GTF3C1: variants seen among roughly 807,000 people sequenced by gnomAD.
GTF3C1 encodes the protein general transcription factor IIIC subunit 1, also known as general transcription factor 3C polypeptide 1.
Under a neutral mutation model 226.7 loss-of-function variants are expected in GTF3C1, and 57 were observed. The observed-to-expected ratio is 0.25, with a 90% CI of 0.20 to 0.31. The LOEUF is 0.31. Ranked by LOEUF, GTF3C1 falls within the 10% of genes least tolerant of loss-of-function variation. The pLI is 1.00. For synonymous variants in GTF3C1, 1,090 were observed against 1,084.8 expected, an observed-to-expected ratio of 1.00 and a Z score of -0.09; for missense variants, 2,217 against 2,776.1, an observed-to-expected ratio of 0.80 and a Z score of 4.53.
At position 27,534,294 on chromosome 16, in the gene GTF3C1, C is replaced by T. The variant is rs571288836; in HGVS notation, c.753-907G>A. 3.3e-5 allele frequency among the ~76,000 whole-genome samples: 5 copies of T among 152,302 alleles called. No homozygotes were observed. The East Asian group carries it at 9.6e-4, about 29-fold the overall frequency. ...GGAAGCTATTTAAAAACATTGAGGG[C>T]CCTTGACTGTGTAAGTCTAGTGGGA... On this transcript the variant is annotated intron_variant, in intron 4 of 36. Transcript: ENST00000356183.
rs776015153 is a variant in GTF3C1, at chr16:27,464,523, T to A, written c.5669A>T (p.Asp1890Val). 4.0e-5 allele frequency: 60 copies of A among 1,517,738 alleles called. No homozygotes were observed. Among genetic ancestry groups the A allele is most frequent in the Admixed American group, 6.7e-5 (3 of 44,880 alleles). 94.0% of individuals were successfully genotyped at this position (1,517,738 alleles called of 1,614,324 possible). The change falls in exon 34 of 37, where the codon GAC becomes GTC. Residue 1890 changes from aspartate to valine, a missense_variant. By Grantham distance (152) the Asp-to-Val change is radical. Transcript: ENST00000356183. ...MTPAKRPALQ[D>V]SNLAPSLGPG... ...CCCAAGGCTGGGGGCCAAATTTGAG[T>A]CCTGGAGCGCTGGCCTCTTGGCAGG... is the stretch of plus-strand genomic sequence containing the variant.
At chr16:27,472,137 C>G (rs893251272) in intron 29 of GTF3C1, among the ~76,000 whole-genome samples, 1 of 152,036 alleles carries the variant, frequency 6.6e-6, no homozygotes, top group African/African-American at 2.4e-5. Flanking sequence ...ATTCTCGGAC[C>G]ACCACGTCAC....
In GTF3C1 at chr16:27,497,789, C is replaced by T; in HGVS notation, c.2198G>A (p.Gly733Glu). Reference protein sequence around the residue: ...VKTSQPPVPQGEAEEDSQGKE... With the variant: ...VKTSQPPVPQEEAEEDSQGKE... ...TCCTTGACTGTCTTCTTCTGCCTCC[C>T]CTTGGGGCACTGGAGGCTGGGAAGT... The change falls in exon 14 of 37, where the codon GGG becomes GAG. Residue 733 changes from glycine to glutamate, a missense_variant. Around this residue, in one of 12 missense-constraint regions of GTF3C1, gnomAD observed 100 missense variants for 139.9 expected, o/e 0.71. Coordinates refer to ENST00000356183, the MANE Select transcript of GTF3C1 (RefSeq NM_001520.4). The T allele has an allele frequency of 6.2e-7, 1 of 1,613,768 alleles. No homozygotes were observed. The highest frequency in any genetic ancestry group is 8.5e-7 in the Non-Finnish European group (1 of 1,179,814).
At chr16:27,494,695 G>A in intron 16 of GTF3C1, 68 bp downstream of exon 16, 1 of 1,179,754 alleles carries the variant, frequency 8.5e-7, no homozygotes, top group Non-Finnish European at 1.3e-6. Context: ...CCTTGCCCAG[G>A]TGAGTGTAGG....
In GTF3C1 at chr16:27,488,428, A is replaced by C; in HGVS notation, c.3512-13T>G. The C allele has an allele frequency of 6.3e-7, 1 of 1,597,310 alleles. No individual in the cohort carries two copies. Among genetic ancestry groups the C allele is most frequent in the Non-Finnish European group, 8.6e-7 (1 of 1,165,044 alleles). On this transcript the variant is annotated splice_polypyrimidine_tract_variant and intron_variant, in intron 22 of 36. Transcript: ENST00000356183. ...AACCTGCTGTTGCCTAGACATAATC[A>C]CAGGAGACAACAGTTTCAGGACGAG...
At chr16:27,482,366 T>G in intron 26 of GTF3C1, 2 of 416,358 alleles carry the variant, frequency 4.8e-6, no homozygotes, top group Non-Finnish European at 9.7e-6. Flanking sequence ...CTGTATACTC[T>G]CATTAGGTTA....
intron 14 of GTF3C1, among the ~76,000 whole-genome samples, chr16:27,497,390 G>C (rs569912595): frequency 2.0e-5 from 3 of 152,340 alleles, no homozygotes; most frequent in Admixed American, 1.3e-4. Flanking sequence ...GATCTAGCAG[G>C]ATTTCATCTG....
Position 27,502,950 on chromosome 16 carries a change from C to T in GTF3C1, c.1816G>A (p.Asp606Asn). ...AGTCGGTAAGTTTCGTGTGGTTTGT[C>T]TTGGCCTGAGCTGTGCCTCCCAGTC... ...LKTGRHSSGQDKPHETYRLLK... is the reference protein window; with the variant it reads ...LKTGRHSSGQNKPHETYRLLK... Residue 606 changes from aspartate (D) to asparagine (N), a missense_variant, in exon 11 of 37, where the codon GAC becomes AAC. Coordinates refer to ENST00000356183, the MANE Select transcript of GTF3C1 (RefSeq NM_001520.4). The T allele has an allele frequency of 6.2e-7, 1 of 1,613,302 alleles. No individual in the cohort carries two copies. The highest frequency in any genetic ancestry group is 8.5e-7 in the Non-Finnish European group (1 of 1,179,324).
chr16:27,516,713 C>T (rs1330515996), intron 6 of GTF3C1, among the ~76,000 whole-genome samples: 2 of 152,224 alleles, frequency 1.3e-5, no homozygotes, highest in African/African-American at 4.8e-5. Context: ...ACAATCACTG[C>T]AGCCTCGAAC....
intron 19 of GTF3C1, among the ~76,000 whole-genome samples, chr16:27,490,315 T>G (rs1410298046): frequency 2.0e-5 from 3 of 152,256 alleles, no homozygotes; most frequent in Non-Finnish European, 4.4e-5. Context: ...AAAATTGCAT[T>G]TCTTGCAAAG....
In GTF3C1 at chr16:27,528,585, G is replaced by A. The variant is rs1304575402; in HGVS notation, c.973+13C>T. 1 of 1,606,732 alleles carries A rather than the reference G, an allele frequency of 6.2e-7. No homozygotes were observed. Among genetic ancestry groups the A allele is most frequent in the South Asian group, 1.1e-5 (1 of 90,826 alleles). ...AGCCAGCCAAGGGAACAGAAGCTGAGACTCTGCATTACCTTTCTTTGTCTT... is the reference window on the plus strand; with the variant it reads ...AGCCAGCCAAGGGAACAGAAGCTGAAACTCTGCATTACCTTTCTTTGTCTT... On this transcript the variant is annotated intron_variant, in intron 6 of 36. Transcript: ENST00000356183.
In GTF3C1 at chr16:27,461,518, C is replaced by A; in HGVS notation, c.6162G>T (p.Lys2054Asn). The change falls in exon 37 of 37, where the codon AAG (lysine) becomes AAT (asparagine). Residue 2054 changes from lysine (K) to asparagine (N), a missense_variant. By Grantham distance (94) the Lys-to-Asn change is moderately conservative. Transcript: ENST00000356183. This position sits in a 1 kb window ranked among gnomAD's most constrained non-coding sequence, Gnocchi z 5.3. ...TAGAGAAGAGCGAGACAGGCCTTGG[C>A]TTTCTCAGCCAGCGCTTCCGGATGC... ...LGCIRKRWLR[K>N]PRPVSLFSTP... is the part of the protein sequence containing the mutation. 1 of 1,613,976 alleles carries A rather than the reference C, an allele frequency of 6.2e-7. No individual in the cohort carries two copies. The highest frequency in any genetic ancestry group is 8.5e-7 in the Non-Finnish European group (1 of 1,179,996).
chr16:27,499,695 G>T (rs943868331), intron 12 of GTF3C1, among the ~76,000 whole-genome samples: 1 of 152,132 alleles, frequency 6.6e-6, no homozygotes, highest in Non-Finnish European at 1.5e-5. Context: ...AAGCTCAAAT[G>T]AGACGCAGTA....
chr16:27,474,349 G>A (rs118090058), intron 29 of GTF3C1, among the ~76,000 whole-genome samples: 11 of 152,340 alleles, frequency 7.2e-5, no homozygotes, highest in East Asian at 1.9e-4. Context: ...AACTGGAGGA[G>A]GAAAAAGCCG....
intron 19 of GTF3C1, among the ~76,000 whole-genome samples, chr16:27,490,168 C>T (rs1053007871): frequency 6.6e-6 from 1 of 152,128 alleles, no homozygotes; most frequent in East Asian, 1.9e-4. Context: ...GGGGCCTGTA[C>T]AGACAGATTG....
rs2088253192 is a variant in GTF3C1 at position 27,492,803 on chromosome 16, C to A, written c.2877-90G>T. 1.3e-6 allele frequency: 1 copy of A among 788,406 alleles called. No homozygotes were observed. 48.8% of individuals were successfully genotyped at this position (788,406 alleles called of 1,614,324 possible). The stretch of plus-strand genomic sequence containing the variant: ...CATGTGGGGTGAGGGGTGCGACTTC[C>A]TTCTTCTCTTTTCCACCTGGTGGTC... On this transcript the variant is annotated intron_variant, in intron 17 of 36. Coordinates refer to ENST00000356183, the MANE Select transcript of GTF3C1 (RefSeq NM_001520.4). The surrounding 1 kb of genome is among the most constrained non-coding windows in gnomAD (Gnocchi z 5.0).
In GTF3C1 at chr16:27,469,080, G is replaced by A. The variant is rs1402939881; in HGVS notation, c.5074+211C>T. Reference sequence around the variant, plus strand: ...CTGTGACTAAAAGAGGCGGTGCGGGGAGCTTTCCCACAGAGGTGTGGGCAC... The same window carrying A: ...CTGTGACTAAAAGAGGCGGTGCGGGAAGCTTTCCCACAGAGGTGTGGGCAC... On this transcript the variant is annotated intron_variant, in intron 32 of 36. Transcript: ENST00000356183. This position sits in a 1 kb window ranked among gnomAD's most constrained non-coding sequence, Gnocchi z 4.5. Among the ~76,000 whole-genome samples, 1 of 152,252 alleles carries A rather than the reference G, an allele frequency of 6.6e-6. No individual in the cohort carries two copies. The highest frequency in any genetic ancestry group is 2.4e-5 in the African/African-American group (1 of 41,466).
At chr16:27,530,881 C>G (rs541133959) in intron 5 of GTF3C1, among the ~76,000 whole-genome samples, 2 of 152,378 alleles carry the variant, frequency 1.3e-5, no homozygotes, top group South Asian at 4.1e-4. Flanking sequence ...GCGAAACTCA[C>G]TGGCTTCATC....
Position 27,464,404 on chromosome 16 carries a change from C to T in GTF3C1, c.5788G>A (p.Glu1930Lys). 3 of 1,602,578 alleles carry T rather than the reference C, an allele frequency of 1.9e-6. No individual in the cohort carries two copies. The highest frequency in any genetic ancestry group is 2.6e-6 in the Non-Finnish European group (3 of 1,174,448). Reference protein sequence around the residue: ...AAAGAAQEDQEGVGEFSSPGQ... With the variant: ...AAAGAAQEDQKGVGEFSSPGQ... The stretch of plus-strand genomic sequence containing the variant: ...GGGGAACTGAACTCACCGACACCCT[C>T]TTGGTCTTCCTGTGCTGCTCCCGCT... Residue 1930 changes from glutamate to lysine, a missense_variant, in exon 34 of 37, where the codon GAG (glutamate) becomes AAG (lysine). Glu to Lys is a moderately conservative substitution (Grantham distance 56). This residue lies in a region of GTF3C1 where 455 missense variants were observed against 441.9 expected (regional missense o/e 1.03). Coordinates refer to ENST00000356183, the MANE Select transcript of GTF3C1 (RefSeq NM_001520.4).
Sources: gnomAD v4.1 joint callset for allele counts (sites outside exome capture counted in the v4.1 genomes callset) on GRCh38, gnomAD v4.1.1 for gene constraint, gnomAD v4.1.1 regional missense constraint, Gnocchi (gnomAD v3.1) non-coding constraint, MANE v1.5 for transcripts, NCBI Gene and HGNC (gene_info 2026-07-23, HGNC 2026-07-21) for gene names.